Variants in TMEM117 observed in about 807,000 individuals in gnomAD.
TMEM117 encodes transmembrane protein 117.
Under a neutral mutation model 52.4 loss-of-function variants are expected in TMEM117, and 27 were observed. The observed-to-expected ratio is 0.51, with a 90% CI of 0.38 to 0.71. The LOEUF (loss-of-function observed/expected upper bound fraction) is 0.71, where lower values mean the gene tolerates loss of function less well. TMEM117 is among the 30% of genes least tolerant of loss of function. TMEM117 has a pLI of 0.00. For synonymous variants in TMEM117, 215 were observed against 206.3 expected (o/e 1.04, Z -0.36); for missense variants, 556 against 630.5 (o/e 0.88, Z 1.26).
At chr12:44,241,236 T>C (rs1319007220) in intron 5 of TMEM117, among the ~76,000 whole-genome samples, 2 of 151,914 alleles carry the variant, frequency 1.3e-5, no homozygotes, top group Non-Finnish European at 2.9e-5. Flanking sequence ...ATGCTTTTTT[T>C]CCAAATATTT....
intron 5 of TMEM117, among the ~76,000 whole-genome samples, chr12:44,230,244 G>C (rs563985697): frequency 6.6e-6 from 1 of 152,112 alleles, no homozygotes; most frequent in African/African-American, 2.4e-5. Context: ...CTGACCCCTC[G>C]ATATTTTCTA....
Position 43,844,635 on chromosome 12 carries a change from A to G in TMEM117, c.-17A>G. On this transcript the variant is annotated 5_prime_UTR_variant, in exon 2 of 8. Coordinates refer to ENST00000266534, the MANE Select transcript of TMEM117 (RefSeq NM_032256.3). ...CTTTTCTTATACAGGTAAACTACGA[A>G]CTGGGAGTTCTGAAGAATGGGTAAA... The G allele has an allele frequency of 4.4e-6, 7 of 1,608,550 alleles. No individual in the cohort carries two copies. Among genetic ancestry groups the G allele is most frequent in the Non-Finnish European group, 5.1e-6 (6 of 1,177,862 alleles).
chr12:44,220,526 G>C (rs917871020), intron 5 of TMEM117, among the ~76,000 whole-genome samples: 1 of 152,116 alleles, frequency 6.6e-6, no homozygotes, highest in Non-Finnish European at 1.5e-5. Context: ...AGCTATGTTT[G>C]TATATAGCTC....
At chr12:44,097,221 G>T (rs1207712804) in intron 3 of TMEM117, among the ~76,000 whole-genome samples, 3 of 152,146 alleles carry the variant, frequency 2.0e-5, no homozygotes, top group Non-Finnish European at 2.9e-5. Context: ...AACAACAGGT[G>T]CTGGAGAGGA....
chr12:44,398,179 T>C, the TMEM117 span, among the ~76,000 whole-genome samples: 1 of 151,734 alleles, frequency 6.6e-6, no homozygotes, highest in African/African-American at 2.4e-5. Context: ...AATCTGGACA[T>C]TGAAGAAAAC....
chr12:44,019,380 C>G (rs1208372401), intron 3 of TMEM117, among the ~76,000 whole-genome samples: 1 of 152,050 alleles, frequency 6.6e-6, no homozygotes, highest in Non-Finnish European at 1.5e-5. Context: ...TACAGCAGCC[C>G]TGACAGAGTG....
chr12:44,012,842 G>A (rs1284270203), intron 3 of TMEM117, among the ~76,000 whole-genome samples: 2 of 152,106 alleles, frequency 1.3e-5, no homozygotes, highest in Non-Finnish European at 2.9e-5. Flanking sequence ...TTCAAACTGG[G>A]GTTTTTGCTT....
chr12:43,852,209 A>AT (rs925064283), intron 2 of TMEM117, among the ~76,000 whole-genome samples: 12 of 152,186 alleles, frequency 7.9e-5, no homozygotes, highest in African/African-American at 2.9e-4. Context: ...AGTCGGGCGG[A>AT]TCACGAGGTC....
At chr12:43,851,113 A>G (rs897328758) in intron 2 of TMEM117, among the ~76,000 whole-genome samples, 7 of 152,168 alleles carry the variant, frequency 4.6e-5, no homozygotes, top group Admixed American at 1.3e-4. Context: ...GTCTTCCTTC[A>G]TTTATTTTGT....
Position 44,152,518 on chromosome 12 carries a change from T to TTATA in TMEM117, c.510+8902_510+8905dup, listed in dbSNP as rs1240731123. ...ATATATAATTATATCATATATAAAT[T>TTATA]TATATATATATTTATATCATATAAA... On this transcript the variant is annotated intron_variant, in intron 4 of 7. Transcript: ENST00000266534. 9.6e-3 allele frequency among the ~76,000 whole-genome samples: 1,134 copies of TTATA among 118,082 alleles called. 6 individuals are homozygous for TTATA. Among genetic ancestry groups the TTATA allele is most frequent in the African/African-American group, 0.015 (434 of 28,418 alleles). The allele number at this position is 118,082 out of a possible 152,430, so 77.5% of individuals were successfully genotyped here.
At chr12:44,311,165 C>CTT (rs139652765) in intron 6 of TMEM117, among the ~76,000 whole-genome samples, 7,296 of 151,936 alleles carry the variant, frequency 0.048, 356 homozygotes, top group African/African-American at 0.12. Context: ...ACATTTTTCT[C>CTT]AATTTTTATG....
intron 2 of TMEM117, among the ~76,000 whole-genome samples, chr12:43,908,554 A>G (rs1944434484): frequency 6.6e-6 from 1 of 151,216 alleles, no homozygotes; most frequent in Admixed American, 6.6e-5. Context: ...AGACTGGCAA[A>G]TTGGATAAAG....
At chr12:44,031,116 A>AAT (rs1946626393) in intron 3 of TMEM117, among the ~76,000 whole-genome samples, 1 of 152,214 alleles carries the variant, frequency 6.6e-6, no homozygotes, top group Non-Finnish European at 1.5e-5. Context: ...CATTTGGCTT[A>AAT]TTTGGTATAA....
intron 4 of TMEM117, among the ~76,000 whole-genome samples, chr12:44,151,895 A>G (rs1370808859): frequency 7.8e-6 from 1 of 128,580 alleles, no homozygotes; most frequent in Non-Finnish European, 1.6e-5. Context: ...TATATATTTA[A>G]TATCATTTAA....
At chr12:44,076,603 T>C (rs1396002793) in intron 3 of TMEM117, among the ~76,000 whole-genome samples, 1 of 152,226 alleles carries the variant, frequency 6.6e-6, no homozygotes, top group Non-Finnish European at 1.5e-5. Flanking sequence ...ATTTATACCA[T>C]AGATTTAAAT....
chr12:44,085,388 G>T (rs1947550455), intron 3 of TMEM117, among the ~76,000 whole-genome samples: 2 of 152,188 alleles, frequency 1.3e-5, no homozygotes, highest in African/African-American at 4.8e-5. Flanking sequence ...TACAGAACAT[G>T]TATTCATTTG....
At chr12:44,331,822 C>T (rs2138725885) in intron 6 of TMEM117, among the ~76,000 whole-genome samples, 1 of 152,130 alleles carries the variant, frequency 6.6e-6, no homozygotes, top group East Asian at 1.9e-4. Flanking sequence ...CTGCTACTAG[C>T]CTTCAGTACC....
intron 3 of TMEM117, among the ~76,000 whole-genome samples, chr12:43,991,835 TC>T (rs1430914856): frequency 6.6e-6 from 1 of 152,198 alleles, no homozygotes; most frequent in East Asian, 1.9e-4. Context: ...GGCAGCAGCC[TC>T]CAAACTGCTC....
At chr12:44,258,379 G>T (rs1371358079) in intron 5 of TMEM117, among the ~76,000 whole-genome samples, 3 of 152,038 alleles carry the variant, frequency 2.0e-5, no homozygotes, top group African/African-American at 7.2e-5. Context: ...GAGTTTAAAA[G>T]ACTTGTAGCT....
Sources: allele counts gnomAD v4.1 joint callset (sites outside exome capture counted in the v4.1 genomes callset), GRCh38; gene constraint gnomAD v4.1.1; transcripts MANE v1.5; gene names NCBI Gene and HGNC (gene_info 2026-07-23, HGNC 2026-07-21).